Variants in DUS2 observed in about 807,000 individuals in gnomAD.
The protein encoded by DUS2 is tRNA-dihydrouridine(20) synthase [NAD(P)+]-like.
In DUS2, 52 loss-of-function variants were observed where a neutral mutation model predicts 71.3. That is an observed-to-expected ratio of 0.73 (90% CI 0.58 to 0.92). The LOEUF (loss-of-function observed/expected upper bound fraction) is 0.92, where lower values mean the gene tolerates loss of function less well. Ranked by LOEUF, DUS2 falls within the 40% of genes least tolerant of loss-of-function variation. The pLI, the probability that DUS2 is intolerant of heterozygous loss-of-function variation, is 0.00. For missense variants in DUS2, 558 were observed against 622.6 expected (o/e 0.90, Z 1.10); for synonymous variants, 204 against 227.8 (o/e 0.90, Z 0.94).
chr16:68,041,663 T>G (rs1028476443), intron 3 of DUS2, among the ~76,000 whole-genome samples: 2 of 151,830 alleles, frequency 1.3e-5, no homozygotes, highest in Admixed American at 6.6e-5. Context: ...AAATACAAAT[T>G]TAGCTTAGCC....
At chr16:68,034,977 C>T (rs2033495932) in intron 2 of DUS2, among the ~76,000 whole-genome samples, 1 of 152,064 alleles carries the variant, frequency 6.6e-6, no homozygotes, top group Non-Finnish European at 1.5e-5. Flanking sequence ...CCACTCTAGC[C>T]TGGGCAACAG....
chr16:68,025,949 A>G (rs930251180), intron 2 of DUS2, among the ~76,000 whole-genome samples: 1 of 152,178 alleles, frequency 6.6e-6, no homozygotes, highest in South Asian at 2.1e-4. Context: ...TGAGGAAAAC[A>G]GCCAAAATCC....
At chr16:68,070,051 T>C in intron 10 of DUS2, 83 bp from the exon 11 acceptor site, 1 of 1,263,650 alleles carries the variant, frequency 7.9e-7, no homozygotes, top group South Asian at 1.2e-5. Flanking sequence ...GGGAGGACAG[T>C]AAGGTTTGGC....
intron 3 of DUS2, among the ~76,000 whole-genome samples, chr16:68,041,594 C>G (rs2033625842): frequency 6.6e-6 from 1 of 152,050 alleles, no homozygotes; most frequent in Admixed American, 6.6e-5. Context: ...AGGTGGATCA[C>G]CTGAGGTCAG....
At position 68,075,521 on chromosome 16, in the gene DUS2, G is replaced by T. The variant is rs770858231; in HGVS notation, c.1082+17G>T. On this transcript the variant is annotated intron_variant, in intron 14 of 16. Coordinates refer to ENST00000565263, the MANE Select transcript of DUS2 (RefSeq NM_017803.5). Reference sequence around the variant, plus strand: ...GTTTGACCGGTAGGTCTCCAGCTTGGCCTCAGCTTGGGCTAGGGCCAGCAC... The same window carrying T: ...GTTTGACCGGTAGGTCTCCAGCTTGTCCTCAGCTTGGGCTAGGGCCAGCAC... 6.2e-7 allele frequency: 1 copy of T among 1,605,982 alleles called. No homozygotes were observed. Among genetic ancestry groups the T allele is most frequent in the Non-Finnish European group, 8.5e-7 (1 of 1,175,596 alleles).
At chr16:68,064,044 A>C (rs1303941506) in intron 8 of DUS2, among the ~76,000 whole-genome samples, 1 of 152,138 alleles carries the variant, frequency 6.6e-6, no homozygotes. Flanking sequence ...ATGGCTGACA[A>C]TTGGCAGGGC....
At chr16:68,032,806 C>A (rs758807454) in intron 2 of DUS2, among the ~76,000 whole-genome samples, 1 of 137,676 alleles carries the variant, frequency 7.3e-6, no homozygotes, top group African/African-American at 2.7e-5. Context: ...CCCAGCTACT[C>A]GGGAGGCTGA....
chr16:68,048,646 C>T (rs751529033), intron 3 of DUS2, among the ~76,000 whole-genome samples: 9 of 152,288 alleles, frequency 5.9e-5, no homozygotes, highest in South Asian at 2.1e-4. Flanking sequence ...TGGCCATTGT[C>T]CCTAGGTACT....
chr16:68,079,139 C>T lies in DUS2; in HGVS notation c.*153C>T, dbSNP rs1312385961. Reference sequence around the variant, plus strand: ...GGGGCCATCAGCCTAGAGCATGGACCAGGGGCCGCCCAGGGGTGGATCCTG... The same window carrying T: ...GGGGCCATCAGCCTAGAGCATGGACTAGGGGCCGCCCAGGGGTGGATCCTG... On this transcript the variant is annotated 3_prime_UTR_variant, in exon 17 of 17. Coordinates refer to ENST00000565263, the MANE Select transcript of DUS2 (RefSeq NM_017803.5). 1 of 657,730 alleles carries T rather than the reference C, an allele frequency of 1.5e-6. No individual in the cohort carries two copies. The highest frequency in any genetic ancestry group is 2.4e-6 in the Non-Finnish European group (1 of 414,716). 40.7% of individuals were successfully genotyped at this position (657,730 alleles called of 1,614,324 possible). A position where few individuals can be genotyped will look rare whatever the true frequency, so the allele number is the denominator to read the frequency against.
chr16:68,056,883 G>A (rs1384039301), intron 7 of DUS2, among the ~76,000 whole-genome samples: 1 of 137,546 alleles, frequency 7.3e-6, no homozygotes, highest in Non-Finnish European at 1.5e-5. Flanking sequence ...ATAATATATA[G>A]GTATATTATA....
intron 2 of DUS2, 138 bp downstream of exon 2, chr16:68,025,632 G>C (rs1231960408): frequency 5.3e-5 from 8 of 152,118 alleles, no homozygotes. Flanking sequence ...GTTAGAGCTT[G>C]CCTAAGCCTG....
At chr16:68,026,597 G>A (rs2033354021) in intron 2 of DUS2, among the ~76,000 whole-genome samples, 1 of 151,990 alleles carries the variant, frequency 6.6e-6, no homozygotes, top group South Asian at 2.1e-4. Context: ...AGCACAGCTA[G>A]GCCTGGTGTG....
rs764669443 is a variant in DUS2, at chr16:68,053,629, G to C, written c.238G>C (p.Glu80Gln). 1.9e-6 allele frequency: 3 copies of C among 1,614,240 alleles called. No homozygotes were observed. The highest frequency in any genetic ancestry group is 3.3e-5 in the Admixed American group (2 of 60,026). The change falls in exon 5 of 17, where the codon GAG becomes CAG. Residue 80 changes from glutamate to glutamine, a missense_variant. By Grantham distance (29) the Glu-to-Gln change is conservative. Transcript: ENST00000565263. ...AGTTGTCTTCCGCACCTGTGAAAGA[G>C]AGCAGAACAGGGTGGTCTTCCAGAT... ...DRVVFRTCER[E>Q]QNRVVFQMGT...
intron 3 of DUS2, among the ~76,000 whole-genome samples, chr16:68,043,338 G>A (rs746112331): frequency 3.3e-5 from 5 of 151,984 alleles, no homozygotes; most frequent in Non-Finnish European, 7.4e-5. Context: ...CCCATGAGGC[G>A]GAGGTTGCAG....
intron 2 of DUS2, among the ~76,000 whole-genome samples, chr16:68,033,315 G>A (rs536753846): frequency 6.6e-6 from 1 of 152,186 alleles, no homozygotes; most frequent in South Asian, 2.1e-4. Flanking sequence ...AGTCAGTGAT[G>A]GATTGAATGT....
intron 2 of DUS2, among the ~76,000 whole-genome samples, chr16:68,025,705 C>T (rs891097606): frequency 1.3e-5 from 2 of 152,008 alleles, no homozygotes; most frequent in African/African-American, 2.4e-5. Context: ...CCTTTTTTCC[C>T]CCTCACTCAC....
chr16:68,066,857 T>C (rs2034012899), intron 10 of DUS2, among the ~76,000 whole-genome samples: 1 of 152,004 alleles, frequency 6.6e-6, no homozygotes, highest in African/African-American at 2.4e-5. Context: ...CTATTGAGGG[T>C]AGGTACTGAG....
chr16:68,070,139 G>C lies in DUS2; in HGVS notation c.560G>C (p.Arg187Pro). 2 of 1,614,012 alleles carry C rather than the reference G, an allele frequency of 1.2e-6. No homozygotes were observed. The highest frequency in any genetic ancestry group is 1.7e-6 in the Non-Finnish European group (2 of 1,179,932). ...CCCATCTTTCTATCTCCAAGGAAGC[G>C]GGAGGAGCGACCTCAGCATCCTGTC... ...IAAIAVHGRK[R>P]EERPQHPVSC... The change falls in exon 11 of 17, where the codon CGG (arginine) becomes CCG (proline). Residue 187 changes from arginine (R) to proline (P), a missense_variant. Coordinates refer to ENST00000565263, the MANE Select transcript of DUS2 (RefSeq NM_017803.5).
At chr16:68,036,548 C>T (rs2151412746) in intron 2 of DUS2, among the ~76,000 whole-genome samples, 1 of 151,996 alleles carries the variant, frequency 6.6e-6, no homozygotes, top group East Asian at 1.9e-4. Flanking sequence ...TGTGATCCAC[C>T]TGCCTCAGCC....
Sources: gnomAD v4.1 joint callset for allele counts (sites outside exome capture counted in the v4.1 genomes callset) on GRCh38, gnomAD v4.1.1 for gene constraint, MANE v1.5 for transcripts, NCBI Gene and HGNC (gene_info 2026-07-23, HGNC 2026-07-21) for gene names.